SUN5: variants seen among roughly 807,000 people sequenced by gnomAD.
SUN5 encodes the protein Sad1 and UNC84 domain containing 5, also known as SUN domain-containing protein 5.
In SUN5, 44 loss-of-function variants were observed where a neutral mutation model predicts 53.7. The ratio of observed to expected loss-of-function variants is 0.82; its 90% CI spans 0.64 to 1.05. The LOEUF (loss-of-function observed/expected upper bound fraction) is 1.05, where lower values mean the gene tolerates loss of function less well. Ranked by LOEUF, SUN5 falls within the 50% of genes least tolerant of loss-of-function variation. The pLI, the probability that SUN5 is intolerant of heterozygous loss-of-function variation, is 0.00. For missense variants in SUN5, 433 were observed against 483.8 expected (o/e 0.90, Z 0.98); for synonymous variants, 166 against 179.8 (o/e 0.92, Z 0.62).
Position 32,985,741 on chromosome 20 carries a change from T to C in SUN5, c.892A>G (p.Ile298Val). The C allele has an allele frequency of 1.2e-6, 2 of 1,613,928 alleles. No homozygotes were observed. Among genetic ancestry groups the C allele is most frequent in the Middle Eastern group, 1.7e-4 (1 of 6,056 alleles). Reference protein sequence around the residue: ...SLDTAPKDFVIYGMEGSPKEE... With the variant: ...SLDTAPKDFVVYGMEGSPKEE... ...CCCTGCAGGGGAGTGCTCACATAGA[T>C]GACGAAGTCCTTGGGGGCGGTGTCC... Residue 298 changes from isoleucine (I) to valine (V), a missense_variant, in exon 11 of 13, where the codon ATC becomes GTC. By Grantham distance (29) the Ile-to-Val change is conservative. Coordinates refer to ENST00000356173, the MANE Select transcript of SUN5 (RefSeq NM_080675.4).
At chr20:32,984,036 A>G (rs1989467565) in intron 12 of SUN5, 87 bp from the exon 13 acceptor site, 1 of 1,431,222 alleles carries the variant, frequency 7.0e-7, no homozygotes, top group African/African-American at 1.5e-5. Context: ...GAAGTTTCCC[A>G]TTTCATAGGT....
intron 9 of SUN5, among the ~76,000 whole-genome samples, chr20:32,988,186 C>T (rs969264516): frequency 2.8e-4 from 42 of 152,218 alleles, no homozygotes; most frequent in African/African-American, 8.2e-4. Flanking sequence ...ACAGGGTAAG[C>T]GCTCCCCACG....
intron 10 of SUN5, 79 bp downstream of exon 10, chr20:32,987,581 C>T (rs1989578698): frequency 4.1e-6 from 5 of 1,209,142 alleles, no homozygotes; most frequent in Non-Finnish European, 4.6e-6. Flanking sequence ...CACCCCCTAC[C>T]TCTTCTGCCA....
chr20:32,997,817 T>A, intron 5 of SUN5, 130 bp from the exon 6 acceptor site: 2 of 836,572 alleles, frequency 2.4e-6, no homozygotes, highest in South Asian at 1.7e-5. Context: ...CTGGGGGAAT[T>A]ACTTAATGCT....
rs1015372435 is a variant in SUN5, at chr20:32,988,650, G to A, written c.614-875C>T. On this transcript the variant is annotated intron_variant, in intron 9 of 12. Coordinates refer to ENST00000356173, the MANE Select transcript of SUN5 (RefSeq NM_080675.4). The stretch of plus-strand genomic sequence containing the variant: ...GTTGCCCAGGCTGGAGTGCAGTGGC[G>A]CGATCCTGGCTCACCGCAACCTCCG... 9.2e-5 allele frequency among the ~76,000 whole-genome samples: 14 copies of A among 151,828 alleles called. No individual in the cohort carries two copies. The East Asian group carries it at 9.7e-4, about 11-fold the overall frequency.
Position 33,004,359 on chromosome 20 carries a change from T to C in SUN5, c.-19A>G, listed in dbSNP as rs1451557595. On this transcript the variant is annotated 5_prime_UTR_variant, in exon 1 of 13. Transcript: ENST00000356173. ...GTGGCATCGATTTCCTTCTTTAGGA[T>C]TGGGGATGGAGATGGGAACTCTGGG... 5.2e-6 allele frequency: 8 copies of C among 1,546,726 alleles called. No homozygotes were observed. Among genetic ancestry groups the C allele is most frequent in the African/African-American group, 1.4e-5 (1 of 72,890 alleles).
chr20:32,989,585 G>T, intron 9 of SUN5, 35 bp downstream of exon 9: 1 of 1,595,276 alleles, frequency 6.3e-7, no homozygotes, highest in Non-Finnish European at 8.6e-7. Flanking sequence ...CAGGACACTT[G>T]AGGCAGTCAG....
At chr20:32,991,520 C>G (rs1406130234) in intron 8 of SUN5, among the ~76,000 whole-genome samples, 1 of 152,184 alleles carries the variant, frequency 6.6e-6, no homozygotes, top group East Asian at 1.9e-4. Context: ...ACTCTAGAGC[C>G]AGTCCTTATA....
At chr20:32,993,244 C>T (rs755551271) in intron 8 of SUN5, among the ~76,000 whole-genome samples, 16 of 152,204 alleles carry the variant, frequency 1.1e-4, no homozygotes, top group Non-Finnish European at 2.1e-4. Flanking sequence ...TTGACGGATT[C>T]CAAAGGGTGG....
At chr20:33,001,624 CT>C (rs1160823261) in intron 3 of SUN5, among the ~76,000 whole-genome samples, 1 of 121,144 alleles carries the variant, frequency 8.3e-6, no homozygotes, top group Non-Finnish European at 1.8e-5. Context: ...CTTTCTTTTT[CT>C]TTTCTTTCTT....
intron 5 of SUN5, 46 bp from the exon 6 acceptor site, chr20:32,997,733 G>A: frequency 6.2e-7 from 1 of 1,609,122 alleles, no homozygotes; most frequent in Non-Finnish European, 8.5e-7. Flanking sequence ...CATGCAAGAT[G>A]AAGAGCCTAG....
At chr20:32,984,089 C>T in intron 12 of SUN5, 140 bp from the exon 13 acceptor site, 1 of 1,046,950 alleles carries the variant, frequency 9.6e-7, no homozygotes, top group Non-Finnish European at 1.3e-6. Context: ...TGTCCCAAGG[C>T]CTCACAGCAA....
chr20:33,003,848 G>A (rs542487337), intron 1 of SUN5, among the ~76,000 whole-genome samples: 1 of 152,266 alleles, frequency 6.6e-6, no homozygotes, highest in East Asian at 1.9e-4. Flanking sequence ...CCAGATTTGG[G>A]TGCCCAGAGA....
chr20:32,998,836 C>T (rs546164813), intron 5 of SUN5, among the ~76,000 whole-genome samples: 15 of 145,234 alleles, frequency 1.0e-4, no homozygotes, highest in African/African-American at 3.8e-4. Context: ...GGCAACACAA[C>T]AAGACTCAAT....
chr20:32,991,825 T>G (rs1989717114), intron 8 of SUN5, among the ~76,000 whole-genome samples: 1 of 150,680 alleles, frequency 6.6e-6, no homozygotes, highest in African/African-American at 2.4e-5. Context: ...ATCGAAGACA[T>G]CACGTAATTT....
chr20:32,993,253 G>A (rs942660177), intron 8 of SUN5, among the ~76,000 whole-genome samples: 1 of 152,208 alleles, frequency 6.6e-6, no homozygotes, highest in African/African-American at 2.4e-5. Context: ...TCCAAAGGGT[G>A]GCCAGCCCAT....
At chr20:33,001,641 TCCTCCCTC>T (rs71190887) in intron 3 of SUN5, among the ~76,000 whole-genome samples, 28 of 67,512 alleles carry the variant, frequency 4.1e-4, no homozygotes, top group Non-Finnish European at 5.3e-4. Context: ...TTCTTTCTTT[TCCTCCCTC>T]CCTCCCTCCC....
chr20:32,983,781 T>C lies in SUN5; in HGVS notation c.*13A>G, dbSNP rs567349892. On this transcript the variant is annotated 3_prime_UTR_variant, in exon 13 of 13. Transcript: ENST00000356173. The stretch of plus-strand genomic sequence containing the variant: ...AAGACACTCAGACTTGGTCTGGGGG[T>C]AAAGAATAAATTTTAATCTCTCTTA... 5 of 1,454,992 alleles carry C rather than the reference T, an allele frequency of 3.4e-6. No homozygotes were observed. The highest frequency in any genetic ancestry group is 5.3e-5 in the East Asian group (2 of 38,050). 90.1% of individuals were successfully genotyped at this position (1,454,992 alleles called of 1,614,324 possible).
intron 6 of SUN5, among the ~76,000 whole-genome samples, 172 bp from the exon 7 acceptor site, chr20:32,996,530 C>A (rs992549659): frequency 2.0e-5 from 3 of 152,172 alleles, no homozygotes; most frequent in African/African-American, 7.2e-5. Context: ...TAATTTACTG[C>A]CCTTTTTATT....
Sources: allele counts gnomAD v4.1 joint callset (sites outside exome capture counted in the v4.1 genomes callset), GRCh38; gene constraint gnomAD v4.1.1; transcripts MANE v1.5; gene names NCBI Gene and HGNC (gene_info 2026-07-23, HGNC 2026-07-21).